Variants in MAN1C1 observed in about 807,000 individuals in gnomAD.
MAN1C1 encodes mannosyl-oligosaccharide 1,2-alpha-mannosidase IC.
MAN1C1 carries 49 observed loss-of-function variants against 71.5 expected under a neutral mutation model. The ratio of observed to expected loss-of-function variants is 0.69; its 90% CI spans 0.54 to 0.87. MAN1C1 has a LOEUF of 0.87. MAN1C1 is among the 40% of genes least tolerant of loss of function. The pLI, the probability that MAN1C1 is intolerant of heterozygous loss-of-function variation, is 0.00. For missense variants in MAN1C1, 743 were observed against 835.0 expected, an observed-to-expected ratio of 0.89 and a Z score of 1.36; for synonymous variants, 352 against 343.7, an observed-to-expected ratio of 1.02 and a Z score of -0.27.
intron 1 of MAN1C1, among the ~76,000 whole-genome samples, chr1:25,682,804 G>A (rs1009805079): frequency 2.4e-4 from 37 of 152,124 alleles, no homozygotes; most frequent in African/African-American, 7.7e-4. Context: ...TTGGGAGGCC[G>A]AGGCGGGCAA....
chr1:25,684,240 T>G (rs1465500602), intron 1 of MAN1C1, among the ~76,000 whole-genome samples: 1 of 151,890 alleles, frequency 6.6e-6, no homozygotes, highest in Non-Finnish European at 1.5e-5. Flanking sequence ...AGCCCTCAGA[T>G]AAGAGAGACT....
At chr1:25,647,884 G>T (rs3754160) in intron 1 of MAN1C1, among the ~76,000 whole-genome samples, 13,155 of 152,076 alleles carry the variant, frequency 0.087, 1,228 homozygotes, top group East Asian at 0.22. Context: ...CCTAGGGTAG[G>T]ATAGGGGTCT....
chr1:25,770,094 C>T (rs528178198), intron 7 of MAN1C1, among the ~76,000 whole-genome samples: 1 of 152,300 alleles, frequency 6.6e-6, no homozygotes, highest in South Asian at 2.1e-4. Context: ...GGCCCCTCCT[C>T]TGCAACAGAC....
At chr1:25,665,138 T>G (rs1401793515) in intron 1 of MAN1C1, among the ~76,000 whole-genome samples, 1 of 152,222 alleles carries the variant, frequency 6.6e-6, no homozygotes, top group Non-Finnish European at 1.5e-5. Flanking sequence ...TATTTCCATT[T>G]GTGTTACGAT....
chr1:25,720,939 T>C (rs575183894), intron 2 of MAN1C1, among the ~76,000 whole-genome samples: 2 of 152,220 alleles, frequency 1.3e-5, no homozygotes, highest in Non-Finnish European at 2.9e-5. Flanking sequence ...TCTTTTCCGA[T>C]TGAGTTGTCT....
At chr1:25,637,147 C>CT (rs2045474033) in intron 1 of MAN1C1, among the ~76,000 whole-genome samples, 1 of 151,642 alleles carries the variant, frequency 6.6e-6, no homozygotes. Flanking sequence ...AGAGCAAACT[C>CT]TGTCTCAAAA....
intron 2 of MAN1C1, among the ~76,000 whole-genome samples, chr1:25,713,659 A>G (rs2046642435): frequency 6.6e-6 from 1 of 152,182 alleles, no homozygotes; most frequent in Admixed American, 6.5e-5. Flanking sequence ...TTCCTGATTC[A>G]TATGAGGTCT....
At chr1:25,783,067 G>A (rs530536160) in intron 11 of MAN1C1, among the ~76,000 whole-genome samples, 5 of 152,306 alleles carry the variant, frequency 3.3e-5, no homozygotes, top group African/African-American at 1.2e-4. Flanking sequence ...TTTCCCTCCT[G>A]TGGCCTCTGC....
intron 2 of MAN1C1, among the ~76,000 whole-genome samples, chr1:25,722,978 T>G (rs1327819775): frequency 6.6e-6 from 1 of 152,226 alleles, no homozygotes; most frequent in African/African-American, 2.4e-5. Context: ...TTGTGACCTG[T>G]CTTTTCTGTG....
chr1:25,650,130 CTGCA>C (rs2045671477), intron 1 of MAN1C1, among the ~76,000 whole-genome samples: 2 of 152,236 alleles, frequency 1.3e-5, no homozygotes, highest in South Asian at 4.1e-4. Flanking sequence ...GTCCACAGCT[CTGCA>C]CCACTGACTG....
chr1:25,781,142 G>C (rs1431760951), intron 10 of MAN1C1, 30 bp downstream of exon 10: 1 of 1,606,498 alleles, frequency 6.2e-7, no homozygotes, highest in Non-Finnish European at 8.5e-7. Flanking sequence ...GGGCAGCAAG[G>C]TGCTAGATGC....
At chr1:25,702,138 C>T (rs907643034) in intron 2 of MAN1C1, among the ~76,000 whole-genome samples, 7 of 152,172 alleles carry the variant, frequency 4.6e-5, no homozygotes, top group Non-Finnish European at 7.3e-5. Context: ...AAATCCCAAA[C>T]ACCCGAGAGG....
chr1:25,751,434 G>A (rs897390998), intron 4 of MAN1C1, among the ~76,000 whole-genome samples: 1 of 152,030 alleles, frequency 6.6e-6, no homozygotes, highest in Admixed American at 6.6e-5. Context: ...TTGCTTTGAG[G>A]CCTCAACTTC....
At chr1:25,679,091 G>A (rs1280686970) in intron 1 of MAN1C1, among the ~76,000 whole-genome samples, 5 of 152,050 alleles carry the variant, frequency 3.3e-5, no homozygotes, top group Non-Finnish European at 7.4e-5. Context: ...TTACCTGAAA[G>A]GATTTATGCA....
At position 25,622,707 on chromosome 1, in the gene MAN1C1, G is replaced by T. The variant is rs530772830; in HGVS notation, c.540+4370G>T. The stretch of plus-strand genomic sequence containing the variant: ...GGCATCGGAGGGTGCCTGTGACTTG[G>T]CAGGGAGGGAGCACCCCAGCTCTTG... On this transcript the variant is annotated intron_variant, in intron 1 of 11. Transcript: ENST00000374332. Among the ~76,000 whole-genome samples, 15 of 152,366 alleles carry T rather than the reference G, an allele frequency of 9.8e-5. No homozygotes were observed. The East Asian group carries it at 2.9e-3, about 29-fold the overall frequency.
chr1:25,695,534 G>A (rs1278576979), intron 2 of MAN1C1, among the ~76,000 whole-genome samples: 1 of 152,098 alleles, frequency 6.6e-6, no homozygotes, highest in Admixed American at 6.5e-5. Flanking sequence ...GGGCCCAAGG[G>A]GTGATCATCA....
intron 6 of MAN1C1, chr1:25,763,641 T>A (rs1348467027): frequency 7.5e-6 from 4 of 530,672 alleles, no homozygotes; most frequent in Non-Finnish European, 1.4e-5. Context: ...GGCAGAGCAG[T>A]CAGTGGAGAG....
intron 1 of MAN1C1, among the ~76,000 whole-genome samples, chr1:25,623,091 C>T (rs2045239120): frequency 6.6e-6 from 1 of 152,174 alleles, no homozygotes; most frequent in African/African-American, 2.4e-5. Context: ...TTCCGTTTCC[C>T]TCTTGTCCTG....
At chr1:25,637,598 A>ATT (rs962136921) in intron 1 of MAN1C1, among the ~76,000 whole-genome samples, 5 of 145,066 alleles carry the variant, frequency 3.4e-5, no homozygotes, top group African/African-American at 5.0e-5. Flanking sequence ...AAAACTATGT[A>ATT]TTTTTTTTTT....
Sources: allele counts gnomAD v4.1 joint callset (sites outside exome capture counted in the v4.1 genomes callset), GRCh38; gene constraint gnomAD v4.1.1; transcripts MANE v1.5; gene names NCBI Gene and HGNC (gene_info 2026-07-23, HGNC 2026-07-21).